Variants in SCARB1 observed in about 807,000 individuals in gnomAD.
SCARB1 encodes the protein CD36 and LIMPII analogous 1.
SCARB1 carries 30 observed loss-of-function variants against 57.2 expected under a neutral mutation model. That is an observed-to-expected ratio of 0.52 (90% CI 0.39 to 0.71). The LOEUF is 0.71. SCARB1 is among the 30% of genes least tolerant of loss of function. SCARB1 has a pLI of 0.00. For missense variants in SCARB1, 543 were observed against 671.2 expected, an observed-to-expected ratio of 0.81 and a Z score of 2.11; for synonymous variants, 249 against 268.3, an observed-to-expected ratio of 0.93 and a Z score of 0.70.
At chr12:124,824,950 T>C (rs1340909913) in intron 1 of SCARB1, among the ~76,000 whole-genome samples, 4 of 152,140 alleles carry the variant, frequency 2.6e-5, no homozygotes, top group Non-Finnish European at 5.9e-5. Flanking sequence ...CCAGGCCAGG[T>C]GCAGTGGCTC....
chr12:124,808,069 G>T (rs1243504046), intron 6 of SCARB1, 142 bp from the exon 7 acceptor site: 1 of 783,038 alleles, frequency 1.3e-6, no homozygotes, highest in Non-Finnish European at 2.2e-6. Context: ...TCTCTCACCC[G>T]CGGAGCTGCA....
In SCARB1 at chr12:124,788,995, C is replaced by T. The variant is rs537679426; in HGVS notation, c.1203-1538G>A. Among the ~76,000 whole-genome samples, 16 of 152,164 alleles carry T rather than the reference C, an allele frequency of 1.1e-4. No individual in the cohort carries two copies. The South Asian group carries it at 1.2e-3, about 12-fold the overall frequency. ...TGATGGTGGGTACGGCTGGGGATGGCGGGGAGTCACAGGAAACCATATTCT... is the reference window on the plus strand; with the variant it reads ...TGATGGTGGGTACGGCTGGGGATGGTGGGGAGTCACAGGAAACCATATTCT... On this transcript the variant is annotated intron_variant, in intron 9 of 12. Transcript: ENST00000261693.
chr12:124,837,504 GGAGAA>G (rs1951704106), intron 1 of SCARB1, among the ~76,000 whole-genome samples: 3 of 122,876 alleles, frequency 2.4e-5, no homozygotes, highest in African/African-American at 6.2e-5. Flanking sequence ...AGGAAGGAAG[GGAGAA>G]AAAAGAAAAG....
At chr12:124,844,654 G>A (rs983609578) in intron 1 of SCARB1, among the ~76,000 whole-genome samples, 1 of 152,086 alleles carries the variant, frequency 6.6e-6, no homozygotes, top group South Asian at 2.1e-4. Context: ...GGGGATGTGC[G>A]CACACAGGGA....
intron 5 of SCARB1, among the ~76,000 whole-genome samples, chr12:124,811,177 C>T (rs1401676429): frequency 1.3e-5 from 2 of 152,238 alleles, no homozygotes; most frequent in Non-Finnish European, 2.9e-5. Context: ...ATATCCCAAA[C>T]TGATAATTGT....
At position 124,814,166 on chromosome 12, in the gene SCARB1, G is replaced by A. The variant is rs1050544131; in HGVS notation, c.630+36C>T. The A allele has an allele frequency of 2.5e-6, 4 of 1,590,216 alleles. No individual in the cohort carries two copies. The African/African-American group carries it at 5.4e-5, about 21-fold the overall frequency. On this transcript the variant is annotated intron_variant, in intron 4 of 12. Transcript: ENST00000261693. The surrounding 1 kb of genome is among the most constrained non-coding windows in gnomAD (Gnocchi z 4.7). Reference sequence around the variant, plus strand: ...TGTGTGAGGGGAAGACAGGACACAGGCCTGAATCTTTGGCTTCTCACCAGG... The same window carrying A: ...TGTGTGAGGGGAAGACAGGACACAGACCTGAATCTTTGGCTTCTCACCAGG...
chr12:124,793,420 C>T (rs1460655302), intron 9 of SCARB1, among the ~76,000 whole-genome samples: 5 of 152 alleles, frequency 0.033, no homozygotes, highest in African/African-American at 0.05. Context: ...TGGGGCCGGG[C>T]GCGGTGCTCA....
chr12:124,811,985 C>G lies in SCARB1; in HGVS notation c.631-20G>C, dbSNP rs375927939. 6.3e-7 allele frequency: 1 copy of G among 1,591,512 alleles called. No individual in the cohort carries two copies. Among genetic ancestry groups the G allele is most frequent in the East Asian group, 2.3e-5 (1 of 44,140 alleles). On this transcript the variant is annotated intron_variant, in intron 4 of 12. Transcript: ENST00000261693. ...GTTGAGCTACAGACACAGCAGGGAA[C>G]AGCATCGTAAGGCTTAGGCCTGCCA...
At chr12:124,787,883 G>A in intron 9 of SCARB1, among the ~76,000 whole-genome samples, 1 of 152,022 alleles carries the variant, frequency 6.6e-6, no homozygotes, top group East Asian at 1.9e-4. Context: ...CTTACCCTCA[G>A]TACAGTACAA....
intron 1 of SCARB1, among the ~76,000 whole-genome samples, chr12:124,851,602 G>T (rs1181671349): frequency 2.0e-5 from 3 of 149,506 alleles, no homozygotes; most frequent in Non-Finnish European, 4.4e-5. Flanking sequence ...AAACATAAAG[G>T]ATTCCATTTT....
Position 124,815,013 on chromosome 12 carries a change from G to A in SCARB1, c.386C>T (p.Ser129Leu), listed in dbSNP as rs150222965. The change falls in exon 3 of 13, where the codon TCG becomes TTG. Residue 129 changes from serine (S) to leucine (L), a missense_variant. Transcript: ENST00000261693. ...GGGCATGACGATGTAGTCGCTCTCC[G>A]AGCCGTGGGACTTGGAGGGCTGGAA... ...FQFQPSKSHGSESDYIVMPNI... is the reference protein window; with the variant it reads ...FQFQPSKSHGLESDYIVMPNI... The A allele has an allele frequency of 1.8e-3, 2,958 of 1,614,230 alleles. 28 individuals are homozygous for A. The highest frequency in any genetic ancestry group is 1.0e-2 in the South Asian group (907 of 91,086).
Position 124,795,673 on chromosome 12 carries a change from A to G in SCARB1, c.1129-405T>C, listed in dbSNP as rs187477842. On this transcript the variant is annotated intron_variant, in intron 8 of 12. Transcript: ENST00000261693. ...CTCCCTCTCAACCTCCACATTCAAT[A>G]AAACAGACAAAAGTCCCTTCTCAAT... Among the ~76,000 whole-genome samples, 4 of 152,316 alleles carry G rather than the reference A, an allele frequency of 2.6e-5. No homozygotes were observed. The East Asian group carries it at 5.8e-4, about 22-fold the overall frequency.
At chr12:124,819,446 CTA>C (rs1276328638) in intron 1 of SCARB1, among the ~76,000 whole-genome samples, 2 of 152,232 alleles carry the variant, frequency 1.3e-5, no homozygotes, top group Admixed American at 1.3e-4. Context: ...CTTAAAGGGA[CTA>C]TAGGAAACAC....
intron 7 of SCARB1, among the ~76,000 whole-genome samples, chr12:124,802,339 C>A (rs543776391): frequency 6.1e-4 from 93 of 152,212 alleles, no homozygotes; most frequent in African/African-American, 2.1e-3. Context: ...ACCAAGAGAC[C>A]TTCTCCTGCA....
chr12:124,784,034 C>G (rs1304585014), intron 11 of SCARB1: 1 of 152,228 alleles, frequency 6.6e-6, no homozygotes, highest in Non-Finnish European at 1.5e-5. Context: ...TTCCCTGTCC[C>G]CATTCTGGTG....
At chr12:124,852,008 C>A (rs1952424528) in intron 1 of SCARB1, among the ~76,000 whole-genome samples, 1 of 152,120 alleles carries the variant, frequency 6.6e-6, no homozygotes, top group African/African-American at 2.4e-5. Flanking sequence ...CTCCCAGCCC[C>A]AGCCCCATCC....
At chr12:124,782,078 T>C (rs1468486728) in intron 12 of SCARB1, among the ~76,000 whole-genome samples, 3 of 152,058 alleles carry the variant, frequency 2.0e-5, no homozygotes, top group African/African-American at 7.2e-5. Flanking sequence ...GCTAATTTTT[T>C]TTGTATTTTT....
intron 6 of SCARB1, 91 bp from the exon 7 acceptor site, chr12:124,808,018 C>G: frequency 7.6e-7 from 1 of 1,317,284 alleles, no homozygotes; most frequent in Non-Finnish European, 1.1e-6. Flanking sequence ...AGCCACTTCT[C>G]CCCACGGGCG....
intron 9 of SCARB1, among the ~76,000 whole-genome samples, chr12:124,788,883 A>T (rs1949620019): frequency 6.6e-6 from 1 of 152,212 alleles, no homozygotes; most frequent in Admixed American, 6.5e-5. Flanking sequence ...ACAAACAGAC[A>T]AACGACAATA....
Sources: gnomAD v4.1 joint callset for allele counts (sites outside exome capture counted in the v4.1 genomes callset) on GRCh38, gnomAD v4.1.1 for gene constraint, Gnocchi (gnomAD v3.1) non-coding constraint, MANE v1.5 for transcripts, NCBI Gene and HGNC (gene_info 2026-07-23, HGNC 2026-07-21) for gene names.